Variants in MAN1A1 observed in about 807,000 individuals in gnomAD.
MAN1A1 encodes the protein mannosidase alpha class 1A member 1.
MAN1A1 carries 29 observed loss-of-function variants against 70.8 expected under a neutral mutation model. The ratio of observed to expected loss-of-function variants is 0.41; its 90% CI spans 0.31 to 0.56. MAN1A1 has a LOEUF of 0.56. Among genes scored for constraint, MAN1A1 ranks in the 20% least tolerant of loss-of-function variants. The pLI, the probability that MAN1A1 is intolerant of heterozygous loss-of-function variation, is 0.29. For synonymous variants in MAN1A1, 349 were observed against 330.1 expected (o/e 1.06, Z -0.62); for missense variants, 747 against 841.3 (o/e 0.89, Z 1.39).
intron 6 of MAN1A1, among the ~76,000 whole-genome samples, chr6:119,226,378 C>T (rs974817072): frequency 1.3e-4 from 20 of 152,212 alleles, no homozygotes; most frequent in Admixed American, 3.9e-4. Context: ...GTGTTACAGC[C>T]GAGGGAACCC....
intron 5 of MAN1A1, among the ~76,000 whole-genome samples, chr6:119,251,972 A>G (rs1775328871): frequency 6.6e-6 from 1 of 152,192 alleles, no homozygotes; most frequent in Middle Eastern, 3.4e-3. Flanking sequence ...TCCCCTCGAG[A>G]GGTCTTTTCC....
intron 6 of MAN1A1, among the ~76,000 whole-genome samples, chr6:119,233,800 C>T (rs896186187): frequency 1.9e-4 from 29 of 152,222 alleles, no homozygotes; most frequent in African/African-American, 6.8e-4. Flanking sequence ...ATGGGACCCT[C>T]ACTGTTCTAC....
chr6:119,284,391 A>G (rs1368956236), intron 5 of MAN1A1, among the ~76,000 whole-genome samples: 2 of 152,166 alleles, frequency 1.3e-5, no homozygotes, highest in African/African-American at 4.8e-5. Flanking sequence ...CACGGTCATC[A>G]AAACTTTCTG....
rs946034863 is a variant in MAN1A1 at position 119,204,978 on chromosome 6, G to A, written c.993-96C>T. ...ATGAAATAGACAGCTTTTAAAAAAAGGCATCCTAGCTAATAGTCCACTCTA... is the reference window on the plus strand; with the variant it reads ...ATGAAATAGACAGCTTTTAAAAAAAAGCATCCTAGCTAATAGTCCACTCTA... On this transcript the variant is annotated intron_variant, in intron 6 of 12. Transcript: ENST00000368468. The A allele has an allele frequency of 1.6e-5, 21 of 1,304,708 alleles. No individual in the cohort carries two copies. In the African/African-American group the frequency reaches 2.7e-4, roughly 17 times the overall value. The allele number at this position is 1,304,708 out of a possible 1,614,324, so 80.8% of individuals were successfully genotyped here.
At chr6:119,234,625 G>T (rs1238744073) in intron 6 of MAN1A1, among the ~76,000 whole-genome samples, 1 of 152,026 alleles carries the variant, frequency 6.6e-6, no homozygotes, top group Admixed American at 6.6e-5. Context: ...TTGTTGCCTA[G>T]GCTGCTGTTG....
intron 5 of MAN1A1, among the ~76,000 whole-genome samples, chr6:119,256,414 A>ATT (rs5879493): frequency 0.19 from 27,719 of 147,690 alleles, 3,183 homozygotes; most frequent in South Asian, 0.35. Flanking sequence ...GTATCTCATT[A>ATT]TTTTTTTTTT....
rs146793394 is a variant in MAN1A1 at position 119,231,482 on chromosome 6, C to T, written c.992+16778G>A. On this transcript the variant is annotated intron_variant, in intron 6 of 12. Coordinates refer to ENST00000368468, the MANE Select transcript of MAN1A1 (RefSeq NM_005907.4). ...AACTGTGAGTCAATTAAATCTCTTT[C>T]CTTTATAAATTCCCCAGTCTTGGGT... 6.0e-3 allele frequency among the ~76,000 whole-genome samples: 916 copies of T among 152,324 alleles called. 7 individuals are homozygous for T. Among genetic ancestry groups the T allele is most frequent in the African/African-American group, 0.021 (869 of 41,568 alleles).
chr6:119,283,851 G>A (rs1018156083), intron 5 of MAN1A1, among the ~76,000 whole-genome samples: 1 of 152,156 alleles, frequency 6.6e-6, no homozygotes, highest in Non-Finnish European at 1.5e-5. Flanking sequence ...TGGACCAGTG[G>A]TGGTTTGCAA....
chr6:119,222,863 T>C (rs1442331503), intron 6 of MAN1A1, among the ~76,000 whole-genome samples: 1 of 152,148 alleles, frequency 6.6e-6, no homozygotes, highest in Non-Finnish European at 1.5e-5. Context: ...TGCCCCATAA[T>C]CTCTCTCCTT....
At chr6:119,194,525 T>C (rs1582685013) in intron 8 of MAN1A1, among the ~76,000 whole-genome samples, 1 of 152,268 alleles carries the variant, frequency 6.6e-6, no homozygotes, top group Admixed American at 6.5e-5. Flanking sequence ...CATCTTGCTA[T>C]GTTGCCTCAG....
chr6:119,305,721 C>A (rs7746867), intron 3 of MAN1A1, among the ~76,000 whole-genome samples: 4 of 151,888 alleles, frequency 2.6e-5, no homozygotes, highest in Non-Finnish European at 5.9e-5. Flanking sequence ...AACCACCTGG[C>A]GCATTGATAA....
intron 5 of MAN1A1, among the ~76,000 whole-genome samples, chr6:119,259,132 T>C (rs1189482376): frequency 1.3e-5 from 2 of 152,220 alleles, no homozygotes; most frequent in Non-Finnish European, 2.9e-5. Flanking sequence ...CTGCTTTCTA[T>C]AGTCCTACTG....
chr6:119,267,933 T>A (rs1775804481), intron 5 of MAN1A1, among the ~76,000 whole-genome samples: 1 of 152,216 alleles, frequency 6.6e-6, no homozygotes, highest in African/African-American at 2.4e-5. Flanking sequence ...TGACTGCATA[T>A]GTATGGTGGA....
chr6:119,319,156 T>C (rs1258513503), intron 2 of MAN1A1, among the ~76,000 whole-genome samples: 2 of 152,088 alleles, frequency 1.3e-5, no homozygotes, highest in Non-Finnish European at 2.9e-5. Flanking sequence ...TGTGATACAG[T>C]ACCATCTTTA....
At chr6:119,248,603 C>T (rs564875655) in intron 5 of MAN1A1, among the ~76,000 whole-genome samples, 1 of 152,254 alleles carries the variant, frequency 6.6e-6, no homozygotes, top group South Asian at 2.1e-4. Context: ...GATTTGGATG[C>T]TACTGATGTG....
intron 6 of MAN1A1, among the ~76,000 whole-genome samples, chr6:119,241,831 G>T (rs1216847545): frequency 6.6e-6 from 1 of 151,954 alleles, no homozygotes; most frequent in Non-Finnish European, 1.5e-5. Flanking sequence ...TTTAAAAAAT[G>T]CCAGAATTTT....
chr6:119,242,711 A>C (rs1775045870), intron 6 of MAN1A1, among the ~76,000 whole-genome samples: 1 of 152,170 alleles, frequency 6.6e-6, no homozygotes, highest in East Asian at 1.9e-4. Flanking sequence ...ATTTCCATAA[A>C]AGCCTTATGA....
In MAN1A1 at chr6:119,204,092, T is replaced by C. The variant is rs535022847; in HGVS notation, c.1116+667A>G. On this transcript the variant is annotated intron_variant, in intron 7 of 12. Coordinates refer to ENST00000368468, the MANE Select transcript of MAN1A1 (RefSeq NM_005907.4). ...AGTATTACATGCCAAGCGCGAAGTG[T>C]ATCTCAGGAACGAAGAACTGACTGT... Among the ~76,000 whole-genome samples the C allele has an allele frequency of 4.6e-5, 7 of 152,226 alleles. No individual in the cohort carries two copies. In the South Asian group the frequency reaches 6.2e-4, roughly 14 times the overall value.
intron 5 of MAN1A1, among the ~76,000 whole-genome samples, chr6:119,267,078 C>T (rs1023894605): frequency 1.3e-4 from 20 of 152,222 alleles, no homozygotes; most frequent in Non-Finnish European, 2.2e-4. Flanking sequence ...ATCCAGAACA[C>T]TAACACCACC....
Sources: allele counts gnomAD v4.1 joint callset (sites outside exome capture counted in the v4.1 genomes callset), GRCh38; gene constraint gnomAD v4.1.1; transcripts MANE v1.5; gene names NCBI Gene and HGNC (gene_info 2026-07-23, HGNC 2026-07-21).